The following BPIFB3 variants were observed in gnomAD, a reference collection of about 807,000 sequenced individuals.
BPIFB3 encodes BPI fold-containing family B member 3.
In BPIFB3, 49 loss-of-function variants were observed where a neutral mutation model predicts 53.1. The observed-to-expected ratio is 0.92, with a 90% CI of 0.73 to 1.17. BPIFB3 has a LOEUF of 1.17. Among genes scored for constraint, BPIFB3 ranks in the 50% most tolerant of loss-of-function variants. The pLI is 0.00. For synonymous variants in BPIFB3, 271 were observed against 269.6 expected (o/e 1.01, Z -0.05); for missense variants, 628 against 592.5 (o/e 1.06, Z -0.62).
chr20:33,061,065 C>G (rs1029534687), intron 4 of BPIFB3, among the ~76,000 whole-genome samples: 3 of 152,212 alleles, frequency 2.0e-5, no homozygotes, highest in African/African-American at 7.2e-5. Context: ...ATCCCAATCC[C>G]GGCCCCTGCT....
chr20:33,072,746 A>G (rs1202323544), exon 14 of BPIFB3: 2 of 1,613,666 alleles, frequency 1.2e-6, no homozygotes, highest in Admixed American at 3.3e-5. Flanking sequence ...TCCCCTGCCT[A>G]AGGTTCTTAA....
intron 4 of BPIFB3, 150 bp downstream of exon 5, chr20:33,060,181 A>C: frequency 9.5e-7 from 1 of 1,048,686 alleles, no homozygotes; most frequent in Non-Finnish European, 1.4e-6. Context: ...AACCCACTTC[A>C]CAGACCGACA....
chr20:33,059,841 A>G (rs1440676047), intron 3 of BPIFB3, 50 bp from the exon 5 acceptor site: 3 of 1,597,842 alleles, frequency 1.9e-6, no homozygotes, highest in African/African-American at 1.3e-5. Context: ...GGGCGGGGCC[A>G]AGGGTGGGAG....
chr20:33,057,009 C>G (rs771156829), intron 2 of BPIFB3, among the ~76,000 whole-genome samples: 1 of 152,082 alleles, frequency 6.6e-6, no homozygotes, highest in Non-Finnish European at 1.5e-5. Flanking sequence ...TCCAGGTGTC[C>G]GCTCAAAAGA....
intron 10 of BPIFB3, 108 bp from the exon 12 acceptor site, chr20:33,069,780 G>T: frequency 9.1e-7 from 1 of 1,101,622 alleles, no homozygotes; most frequent in Non-Finnish European, 1.4e-6. Context: ...CTGACACACA[G>T]TAGGGCCTCA....
chr20:33,057,590 C>T (rs1461988430), intron 2 of BPIFB3, among the ~76,000 whole-genome samples: 2 of 152,006 alleles, frequency 1.3e-5, no homozygotes, highest in African/African-American at 2.4e-5. Context: ...AATGTTTGTC[C>T]CTCAAATAGG....
At chr20:33,066,527 C>A (rs370721378) in intron 8 of BPIFB3, among the ~76,000 whole-genome samples, 1 of 152,110 alleles carries the variant, frequency 6.6e-6, no homozygotes, top group African/African-American at 2.4e-5. Context: ...TTGTGTGACC[C>A]TTGGCAACAG....
intron 4 of BPIFB3, among the ~76,000 whole-genome samples, chr20:33,060,908 C>T (rs1438096347): frequency 6.6e-6 from 1 of 152,186 alleles, no homozygotes; most frequent in East Asian, 1.9e-4. Flanking sequence ...CCAGAGGTCT[C>T]CTTGCCTAGG....
Position 33,072,036 on chromosome 20 carries a change from G to C in BPIFB3, c.1261-68G>C, listed in dbSNP as rs555429000. 3.3e-6 allele frequency: 5 copies of C among 1,537,212 alleles called. No individual in the cohort carries two copies. In the South Asian group the frequency reaches 4.5e-5, roughly 14 times the overall value. On this transcript the variant is annotated intron_variant, in intron 12 of 14. Coordinates refer to ENST00000375494, the Ensembl canonical transcript of BPIFB3. Reference sequence around the variant, plus strand: ...CCCCTGGGTTTCTCTCCCTGGGAACGGGATGCTGCTGCCTGTAAAGCCACA... The same window carrying C: ...CCCCTGGGTTTCTCTCCCTGGGAACCGGATGCTGCTGCCTGTAAAGCCACA...
chr20:33,063,938 G>T (rs1281331663), intron 6 of BPIFB3, among the ~76,000 whole-genome samples: 1 of 152,110 alleles, frequency 6.6e-6, no homozygotes, highest in Non-Finnish European at 1.5e-5. Context: ...CCTAGTGTGC[G>T]CTTGGCACTG....
chr20:33,061,961 C>T, intron 5 of BPIFB3, 130 bp downstream of exon 6: 3 of 1,086,620 alleles, frequency 2.8e-6, no homozygotes, highest in Non-Finnish European at 4.0e-6. Flanking sequence ...CCTGGTAATC[C>T]CATCCGGGCC....
At chr20:33,072,874 T>A in intron 14 of BPIFB3, 81 bp downstream of exon 15, 33 of 1,083,854 alleles carry the variant, frequency 3.0e-5, no homozygotes, top group Non-Finnish European at 4.1e-5. Flanking sequence ...ATGAGGGGAA[T>A]GCTTTGCTTC....
intron 8 of BPIFB3, among the ~76,000 whole-genome samples, chr20:33,065,795 C>G (rs1439273223): frequency 6.6e-6 from 1 of 152,160 alleles, no homozygotes; most frequent in African/African-American, 2.4e-5. Context: ...GGCTCCCCAC[C>G]TGTAGCTCAG....
At chr20:33,065,822 G>C (rs891733351) in intron 8 of BPIFB3, among the ~76,000 whole-genome samples, 1 of 152,178 alleles carries the variant, frequency 6.6e-6, no homozygotes, top group Non-Finnish European at 1.5e-5. Context: ...GGAAACAGGG[G>C]TTGGTCACTC....
At chr20:33,062,021 G>A (rs1257121919) in intron 5 of BPIFB3, among the ~76,000 whole-genome samples, 190 bp downstream of exon 6, 1 of 151,108 alleles carries the variant, frequency 6.6e-6, no homozygotes, top group Admixed American at 6.6e-5. Flanking sequence ...TGGATGACAC[G>A]ATCCTTTCGG....
At chr20:33,061,395 C>T (rs1009074935) in intron 4 of BPIFB3, among the ~76,000 whole-genome samples, 2 of 152,080 alleles carry the variant, frequency 1.3e-5, no homozygotes, top group African/African-American at 4.8e-5. Context: ...TTGTTGAACC[C>T]CCACTCTGGG....
exon 4 of BPIFB3, chr20:33,059,954 C>T (rs768897443): frequency 6.2e-6 from 10 of 1,614,142 alleles, no homozygotes; most frequent in East Asian, 4.5e-5. Context: ...TGGCGCTGGC[C>T]GTGAGCTCAA....
Position 33,063,706 on chromosome 20 carries a change from C to A in BPIFB3, c.652+31C>A, listed in dbSNP as rs1235042216. 3 of 1,607,970 alleles carry A rather than the reference C, an allele frequency of 1.9e-6. No individual in the cohort carries two copies. The South Asian group carries it at 3.3e-5, about 18-fold the overall frequency. On this transcript the variant is annotated intron_variant, in intron 6 of 14. Transcript: ENST00000375494. ...TCAGGGCTCAATGCCCTCCTCTTTG[C>A]CCCTTCTACCCGTCTCTGTATGACC...
At chr20:33,063,808 G>T (rs575597509) in intron 6 of BPIFB3, 133 bp downstream of exon 7, 1 of 920,744 alleles carries the variant, frequency 1.1e-6, no homozygotes, top group Non-Finnish European at 1.6e-6. Context: ...ACACTGACAG[G>T]CTGCCCCTTT....
Sources: allele counts gnomAD v4.1 joint callset (sites outside exome capture counted in the v4.1 genomes callset), GRCh38; gene constraint gnomAD v4.1.1; transcripts MANE v1.5; gene names NCBI Gene and HGNC (gene_info 2026-07-23, HGNC 2026-07-21).